The following RELN variants were observed in gnomAD, a reference collection of about 807,000 sequenced individuals.
The protein encoded by RELN is reelin.
In RELN, 108 loss-of-function variants were observed where a neutral mutation model predicts 427.6. That is an observed-to-expected ratio of 0.25 (90% CI 0.22 to 0.30). The LOEUF (loss-of-function observed/expected upper bound fraction) is 0.30, where lower values mean the gene tolerates loss of function less well. Ranked by LOEUF, RELN falls within the 10% of genes least tolerant of loss-of-function variation. The pLI is 1.00. For synonymous variants in RELN, 1,524 were observed against 1,513.4 expected (o/e 1.01, Z -0.16); for missense variants, 3,715 against 4,302.8 (o/e 0.86, Z 3.82).
Position 103,558,248 on chromosome 7 carries a change from A to T in RELN, c.5530-199T>A, listed in dbSNP as rs1287541608. The stretch of plus-strand genomic sequence containing the variant: ...AATGGCTTTCATATCCTGTGCCTGA[A>T]TAACACAGTTTCATTGTCTCAACTC... On this transcript the variant is annotated intron_variant, in intron 36 of 64. Coordinates refer to ENST00000428762, the MANE Select transcript of RELN (RefSeq NM_005045.4). 1.2e-4 allele frequency among the ~76,000 whole-genome samples: 18 copies of T among 152,332 alleles called. No homozygotes were observed. In the East Asian group the frequency reaches 1.7e-3, roughly 15 times the overall value.
rs559014007 is a variant in RELN, at chr7:103,483,655, G to A, written c.10179C>T (p.Pro3393=). 6 of 1,613,992 alleles carry A rather than the reference G, an allele frequency of 3.7e-6. No homozygotes were observed. In the South Asian group the frequency reaches 5.5e-5, roughly 15 times the overall value. ...GCCTTTCCATTTGGGCCACTTACAGGGGGACATTGTAAGACACTCTCTGAG... is the reference window on the plus strand; with the variant it reads ...GCCTTTCCATTTGGGCCACTTACAGAGGGACATTGTAAGACACTCTCTGAG... The part of the protein sequence containing the change: ...TQAQRVSYNV[P]LEARMKGVLL... Residue 3393 remains proline (P), a splice_region_variant and synonymous_variant, in exon 62 of 65, where the codon CCC becomes CCT. Coordinates refer to ENST00000428762, the MANE Select transcript of RELN (RefSeq NM_005045.4).
chr7:103,642,149 G>A (rs1490135734), intron 16 of RELN, among the ~76,000 whole-genome samples: 2 of 152,036 alleles, frequency 1.3e-5, no homozygotes, highest in Non-Finnish European at 2.9e-5. Flanking sequence ...GACAAGAAAT[G>A]TACTTTGCTT....
chr7:103,958,205 G>A (rs1419818637), intron 1 of RELN, among the ~76,000 whole-genome samples: 1 of 152,126 alleles, frequency 6.6e-6, no homozygotes, highest in East Asian at 1.9e-4. Context: ...AGAATAAATT[G>A]CCCTTTCCTG....
At chr7:103,804,139 A>T (rs1792537158) in intron 3 of RELN, among the ~76,000 whole-genome samples, 1 of 152,098 alleles carries the variant, frequency 6.6e-6, no homozygotes, top group African/African-American at 2.4e-5. Context: ...ATATTTTTAA[A>T]TTATTCATAT....
chr7:103,546,793 G>A (rs898755931), intron 41 of RELN, among the ~76,000 whole-genome samples: 5 of 152,282 alleles, frequency 3.3e-5, no homozygotes, highest in African/African-American at 1.2e-4. Context: ...AAGTCCTTAT[G>A]AGCCAAACTA....
chr7:103,859,492 A>G (rs1794022542), intron 2 of RELN, among the ~76,000 whole-genome samples: 1 of 152,082 alleles, frequency 6.6e-6, no homozygotes, highest in Admixed American at 6.6e-5. Flanking sequence ...ACAGGGTTTC[A>G]CTGTGTTAGC....
intron 24 of RELN, among the ~76,000 whole-genome samples, chr7:103,600,292 C>G (rs947681873): frequency 6.6e-6 from 1 of 152,186 alleles, no homozygotes; most frequent in Non-Finnish European, 1.5e-5. Flanking sequence ...AACATGCTTG[C>G]TGGTGGGGGC....
intron 31 of RELN, among the ~76,000 whole-genome samples, chr7:103,567,995 C>T (rs1368538831): frequency 2.6e-5 from 4 of 152,014 alleles, no homozygotes; most frequent in Non-Finnish European, 5.9e-5. Context: ...CGGGGTTTTG[C>T]CATGTTGCTC....
intron 2 of RELN, among the ~76,000 whole-genome samples, chr7:103,888,785 G>T (rs1237356759): frequency 6.6e-6 from 1 of 152,182 alleles, no homozygotes; most frequent in Non-Finnish European, 1.5e-5. Context: ...ACATGAGCCA[G>T]ATTTCAGCCC....
At chr7:103,838,580 A>T (rs1793472092) in intron 2 of RELN, among the ~76,000 whole-genome samples, 1 of 152,194 alleles carries the variant, frequency 6.6e-6, no homozygotes. Context: ...AGCGTGACTC[A>T]GGAGCTGCCA....
At chr7:103,975,565 T>TTTA (rs1584414330) in intron 1 of RELN, among the ~76,000 whole-genome samples, 1 of 74,874 alleles carries the variant, frequency 1.3e-5, no homozygotes, top group South Asian at 4.3e-4. Flanking sequence ...TTATTTATTT[T>TTTA]GAGACGGAGT....
chr7:103,485,333 C>G (rs975821171), intron 61 of RELN, among the ~76,000 whole-genome samples: 2 of 151,806 alleles, frequency 1.3e-5, no homozygotes, highest in Admixed American at 1.3e-4. Flanking sequence ...TATGAAGGGC[C>G]CCCAAACCTG....
chr7:103,747,443 G>T (rs11979177), intron 6 of RELN, among the ~76,000 whole-genome samples: 1 of 151,514 alleles, frequency 6.6e-6, no homozygotes, highest in Non-Finnish European at 1.5e-5. Flanking sequence ...TAAAAAGAAC[G>T]GTATTTGCCT....
At chr7:103,771,431 C>G (rs114197221) in intron 4 of RELN, among the ~76,000 whole-genome samples, 3 of 152,054 alleles carry the variant, frequency 2.0e-5, no homozygotes, top group African/African-American at 7.2e-5. Context: ...CCATGCTCCA[C>G]CCATCTCCCT....
chr7:103,744,024 C>T (rs1790747160), intron 6 of RELN, among the ~76,000 whole-genome samples: 1 of 152,148 alleles, frequency 6.6e-6, no homozygotes, highest in Non-Finnish European at 1.5e-5. Context: ...TAAAGCACTC[C>T]TCAGCAAATG....
At chr7:103,838,624 G>T (rs1793473452) in intron 2 of RELN, among the ~76,000 whole-genome samples, 1 of 152,176 alleles carries the variant, frequency 6.6e-6, no homozygotes, top group Admixed American at 6.5e-5. Flanking sequence ...CAGGGATCAG[G>T]TGTATGGAAA....
chr7:103,529,145 A>G (rs915746735), intron 46 of RELN, among the ~76,000 whole-genome samples: 1 of 152,032 alleles, frequency 6.6e-6, no homozygotes, highest in African/African-American at 2.4e-5. Context: ...AAAAAAAAAA[A>G]AAGTCCTCTC....
At chr7:103,945,154 T>C (rs1225659095) in intron 1 of RELN, among the ~76,000 whole-genome samples, 2 of 152,120 alleles carry the variant, frequency 1.3e-5, no homozygotes, top group Non-Finnish European at 2.9e-5. Context: ...TGGCAAATAC[T>C]GGGAGCTCCC....
intron 2 of RELN, among the ~76,000 whole-genome samples, chr7:103,862,364 T>C (rs184447206): frequency 3.8e-4 from 58 of 152,150 alleles, no homozygotes; most frequent in African/African-American, 1.3e-3. Context: ...AATTTTGGTA[T>C]TGGCCATCCT....
Sources: gnomAD v4.1 joint callset for allele counts (sites outside exome capture counted in the v4.1 genomes callset) on GRCh38, gnomAD v4.1.1 for gene constraint, MANE v1.5 for transcripts, NCBI Gene and HGNC (gene_info 2026-07-23, HGNC 2026-07-21) for gene names.